Variants in PCNX2 observed in about 807,000 individuals in gnomAD.
PCNX2 encodes pecanex-like protein 2.
PCNX2 carries 168 observed loss-of-function variants against 223.8 expected under a neutral mutation model. The ratio of observed to expected loss-of-function variants is 0.75; its 90% confidence interval spans 0.66 to 0.85. The LOEUF is 0.85. Among genes scored for constraint, PCNX2 ranks in the 40% least tolerant of loss-of-function variants. The pLI is 0.00. For missense variants in PCNX2, 2,507 were observed against 2,675.5 expected, an observed-to-expected ratio of 0.94 and a Z score of 1.39; for synonymous variants, 1,006 against 1,052.6, an observed-to-expected ratio of 0.96 and a Z score of 0.86.
rs1003486654 is a variant in PCNX2, at chr1:232,999,319, G to A, written c.5389C>T (p.Arg1797Cys). ...AGQQQELIFL[R>C]NRNPERGSIQ... ...CTGCCGCGCTCCGGATTGCGGTTGCGAAGAAATATAAGCTCCTGCTGCTGC... is the reference window on the plus strand; with the variant it reads ...CTGCCGCGCTCCGGATTGCGGTTGCAAAGAAATATAAGCTCCTGCTGCTGC... Residue 1797 changes from arginine (R) to cysteine (C), a missense_variant, in exon 31 of 34, where the codon CGC becomes TGC. Around this residue, in one of 3 missense-constraint regions of PCNX2, gnomAD observed 1,372 missense variants for 1,509.4 expected, o/e 0.91. Transcript: ENST00000258229. 4.4e-6 allele frequency: 7 copies of A among 1,605,544 alleles called. No homozygotes were observed. The highest frequency in any genetic ancestry group is 2.2e-5 in the East Asian group (1 of 44,596).
chr1:233,161,337 G>A lies in PCNX2; in HGVS notation c.3300C>T (p.Ile1100=), dbSNP rs202157349. The A allele has an allele frequency of 3.0e-4, 477 of 1,613,844 alleles. No homozygotes were observed. Among genetic ancestry groups the A allele is most frequent in the Non-Finnish European group, 3.8e-4 (451 of 1,179,822 alleles). The change falls in exon 18 of 34, where the codon ATC becomes ATT. Residue 1100 remains isoleucine, a synonymous_variant. Transcript: ENST00000258229. The stretch of plus-strand genomic sequence containing the variant: ...AGAGGACAGCAACCACTGCGCAGAC[G>A]ATGAGATCCCATTTTAAGACATCCG... ...SVTDVLKWDL[I]VCAVVAVLSF...
chr1:233,201,074 G>T (rs1403764762), intron 13 of PCNX2, among the ~76,000 whole-genome samples: 1 of 135,492 alleles, frequency 7.4e-6, no homozygotes, highest in East Asian at 2.1e-4. Flanking sequence ...TAATGAACCT[G>T]CATGTTCTGC....
the PCNX2 span, among the ~76,000 whole-genome samples, chr1:233,325,490 C>G: frequency 8.2e-6 from 1 of 122,074 alleles, no homozygotes; most frequent in Admixed American, 8.8e-5. Context: ...AACCCTGTCT[C>G]TACTAAAAAT....
intron 23 of PCNX2, 74 bp from the exon 24 acceptor site, chr1:233,057,364 G>T: frequency 8.5e-7 from 1 of 1,176,364 alleles, no homozygotes; most frequent in Non-Finnish European, 1.2e-6. Context: ...TATAGAACCA[G>T]CTGCATGAGT....
At chr1:233,036,596 C>T (rs914339600) in intron 25 of PCNX2, among the ~76,000 whole-genome samples, 1 of 150,938 alleles carries the variant, frequency 6.6e-6, no homozygotes, top group Non-Finnish European at 1.5e-5. Flanking sequence ...CAACACTGCA[C>T]TCCAGCCTGG....
At chr1:233,015,113 C>T (rs1349387830) in intron 27 of PCNX2, among the ~76,000 whole-genome samples, 1 of 152,196 alleles carries the variant, frequency 6.6e-6, no homozygotes, top group Non-Finnish European at 1.5e-5. Flanking sequence ...CCTTAACACT[C>T]TCCAATGCAA....
intron 21 of PCNX2, among the ~76,000 whole-genome samples, chr1:233,129,066 C>G (rs1375372291): frequency 1.3e-5 from 2 of 152,248 alleles, no homozygotes; most frequent in African/African-American, 4.8e-5. Flanking sequence ...GTGGGGGCCC[C>G]TCTCTGGGGT....
chr1:233,072,972 C>G (rs892616491), intron 23 of PCNX2, among the ~76,000 whole-genome samples: 1 of 152,190 alleles, frequency 6.6e-6, no homozygotes, highest in Non-Finnish European at 1.5e-5. Context: ...CTTCTTTCAA[C>G]ATTTTATACA....
intron 12 of PCNX2, among the ~76,000 whole-genome samples, chr1:233,214,174 C>T (rs1038964220): frequency 5.3e-5 from 8 of 152,046 alleles, no homozygotes; most frequent in African/African-American, 1.7e-4. Context: ...TCTGATTATC[C>T]GTATTTTGCA....
At chr1:233,112,713 A>C in intron 21 of PCNX2, 6 of 560,244 alleles carry the variant, frequency 1.1e-5, no homozygotes, top group East Asian at 3.2e-4. Context: ...AGATCTTTGA[A>C]CAATATAACT....
intron 12 of PCNX2, 124 bp from the exon 13 acceptor site, chr1:233,208,813 C>A: frequency 5.2e-5 from 8 of 153,456 alleles, no homozygotes; most frequent in East Asian, 3.1e-4. Context: ...CCCCAAACAC[C>A]ACAATTCATA....
the PCNX2 span, among the ~76,000 whole-genome samples, chr1:233,323,282 T>C: frequency 3.9e-5 from 6 of 152,226 alleles, no homozygotes; most frequent in Non-Finnish European, 8.8e-5. Context: ...GGGAAAGTGT[T>C]AATGTTTTTT....
chr1:232,996,187 A>T (rs1669867947), intron 32 of PCNX2, among the ~76,000 whole-genome samples: 2 of 152,092 alleles, frequency 1.3e-5, no homozygotes, highest in African/African-American at 4.8e-5. Context: ...GCCAAGCTTC[A>T]AGAAACCAGG....
At chr1:233,035,919 G>A (rs1426337055) in intron 25 of PCNX2, among the ~76,000 whole-genome samples, 5 of 152,076 alleles carry the variant, frequency 3.3e-5, no homozygotes, top group Admixed American at 3.3e-4. Flanking sequence ...CATGTATAGT[G>A]GTAGAGATAT....
intron 25 of PCNX2, among the ~76,000 whole-genome samples, chr1:233,043,588 G>T (rs1265382279): frequency 8.4e-6 from 1 of 118,358 alleles, no homozygotes; most frequent in Non-Finnish European, 1.6e-5. Context: ...CCCAGAGTGT[G>T]ATGTTCCCCT....
intron 28 of PCNX2, among the ~76,000 whole-genome samples, chr1:233,006,335 C>T (rs1423887261): frequency 1.3e-5 from 2 of 152,202 alleles, no homozygotes; most frequent in Non-Finnish European, 2.9e-5. Flanking sequence ...GTTCCTCACC[C>T]ACTTCATATG....
At chr1:233,071,855 G>GT (rs1415889705) in intron 23 of PCNX2, among the ~76,000 whole-genome samples, 2 of 152,116 alleles carry the variant, frequency 1.3e-5, no homozygotes, top group African/African-American at 4.8e-5. Context: ...GTGTGAGATG[G>GT]TACTTCACTG....
Position 233,000,492 on chromosome 1 carries a change from AG to A in PCNX2, c.5140del (p.Leu1714SerfsTer57). On this transcript the variant is annotated frameshift_variant, in exon 30 of 34. Transcript: ENST00000258229. LOFTEE classifies it high-confidence loss of function. The surrounding 1 kb of genome is among the most constrained non-coding windows in gnomAD (Gnocchi z 4.6). ...CPDEYEDPAV[L>X]YEAIQSFEKK... ...CTCGAAGGACTGGATGGCCTCGTAG[AG>A]GACTGCTGGGTCTTCATACTCGTCA... 6.2e-7 allele frequency: 1 copy of A among 1,602,338 alleles called. No homozygotes were observed. Among genetic ancestry groups the A allele is most frequent in the Non-Finnish European group, 8.5e-7 (1 of 1,175,754 alleles).
rs773910425 is a variant in PCNX2, at chr1:233,160,321, A to G, written c.3479T>C (p.Ile1160Thr). 2 of 1,613,382 alleles carry G rather than the reference A, an allele frequency of 1.2e-6. No individual in the cohort carries two copies. Among genetic ancestry groups the G allele is most frequent in the Non-Finnish European group, 1.7e-6 (2 of 1,179,670 alleles). The change falls in exon 19 of 34, where the codon ATT (isoleucine) becomes ACT (threonine). Residue 1160 changes from isoleucine to threonine, a missense_variant. Around this residue, in one of 3 missense-constraint regions of PCNX2, gnomAD observed 1,372 missense variants for 1,509.4 expected, o/e 0.91. Coordinates refer to ENST00000258229, the MANE Select transcript of PCNX2 (RefSeq NM_014801.4). Reference protein sequence around the residue: ...HHPWMWISHPILKNKEYHQRE... With the variant: ...HHPWMWISHPTLKNKEYHQRE... ...TTGATGATACTCTTTGTTTTTGAGA[A>G]TGGGGTGTGAAATCCACATCCAGGG...
Sources: allele counts gnomAD v4.1 joint callset (sites outside exome capture counted in the v4.1 genomes callset), GRCh38; gene constraint gnomAD v4.1.1; regional missense constraint gnomAD v4.1.1; non-coding constraint Gnocchi (gnomAD v3.1); transcripts MANE v1.5; gene names NCBI Gene and HGNC (gene_info 2026-07-23, HGNC 2026-07-21).